WASHC5: variants seen among roughly 807,000 people sequenced by gnomAD.
WASHC5 encodes WASH complex subunit strumpellin.
A neutral mutation model predicts 150.4 loss-of-function variants in WASHC5; 101 were observed. That is an observed-to-expected ratio of 0.67 (90% CI 0.57 to 0.79). The LOEUF is 0.79. Among genes scored for constraint, WASHC5 ranks in the 30% least tolerant of loss-of-function variants. WASHC5 has a pLI of 0.00. For synonymous variants in WASHC5, 467 were observed against 491.2 expected, an observed-to-expected ratio of 0.95 and a Z score of 0.65; for missense variants, 1,195 against 1,396.3, an observed-to-expected ratio of 0.86 and a Z score of 2.30.
chr8:125,056,585 G>T, intron 16 of WASHC5, 92 bp downstream of exon 16: 1 of 1,447,846 alleles, frequency 6.9e-7, no homozygotes, highest in Non-Finnish European at 9.7e-7. Context: ...TGGTCTGGTG[G>T]TCCCCAGAAT....
intron 27 of WASHC5, 138 bp downstream of exon 27, chr8:125,032,103 G>T: frequency 2.1e-6 from 2 of 969,704 alleles, no homozygotes; most frequent in Non-Finnish European, 3.3e-6. Flanking sequence ...AAGGAGGTAT[G>T]CCCTGACTTG....
intron 12 of WASHC5, among the ~76,000 whole-genome samples, chr8:125,060,194 A>ATTAT (rs927071038): frequency 6.6e-6 from 1 of 152,210 alleles, no homozygotes; most frequent in Non-Finnish European, 1.5e-5. Context: ...GATGTTTTAA[A>ATTAT]TAATAGAGTT....
intron 1 of WASHC5, among the ~76,000 whole-genome samples, chr8:125,088,327 A>G (rs1306252733): frequency 1.3e-5 from 2 of 150,334 alleles, no homozygotes; most frequent in East Asian, 4.0e-4. Flanking sequence ...CGGGAGGCTG[A>G]GGCAGGAGAA....
At position 125,044,375 on chromosome 8, in the gene WASHC5, G is replaced by A. The variant is rs549975310; in HGVS notation, c.2667+161C>T. 148 of 806,632 alleles carry A rather than the reference G, an allele frequency of 1.8e-4. No homozygotes were observed. In the African/African-American group the frequency reaches 2.2e-3, roughly 12 times the overall value. The allele number at this position is 806,632 out of a possible 1,614,324, so 50.0% of individuals were successfully genotyped here. A position where few individuals can be genotyped will look rare whatever the true frequency, so the allele number is the denominator to read the frequency against. On this transcript the variant is annotated intron_variant, in intron 21 of 28. Transcript: ENST00000318410. ...TACTATGCTGGCCAAACAAATTCTA[G>A]TTTATTCCCAGCTCTGATCTACCCA...
intron 21 of WASHC5, 128 bp from the exon 22 acceptor site, chr8:125,044,222 A>G (rs1265484329): frequency 1.1e-5 from 8 of 742,924 alleles, no homozygotes; most frequent in Non-Finnish European, 1.9e-5. Context: ...AAACAGGATG[A>G]CAGCAAAAAG....
intron 1 of WASHC5, among the ~76,000 whole-genome samples, chr8:125,086,563 A>G (rs1243357451): frequency 1.3e-5 from 2 of 152,228 alleles, no homozygotes; most frequent in Non-Finnish European, 2.9e-5. Flanking sequence ...CTGTCTCCAA[A>G]TATAGTCACA....
In WASHC5 at chr8:125,049,195, A is replaced by C. The variant is rs1486657033; in HGVS notation, c.2200-10T>G. ...GCATCAATTCACTTGGCTGTGGAAA[A>C]GGGGAAACATAAAGCTCTTACACTG... On this transcript the variant is annotated splice_polypyrimidine_tract_variant and intron_variant, in intron 18 of 28. Transcript: ENST00000318410. 1 of 1,613,900 alleles carries C rather than the reference A, an allele frequency of 6.2e-7. No individual in the cohort carries two copies. Among genetic ancestry groups the C allele is most frequent in the Middle Eastern group, 1.6e-4 (1 of 6,062 alleles).
At chr8:125,028,480 T>C (rs1276072508) in intron 28 of WASHC5, 140 bp downstream of exon 28, 2 of 654,538 alleles carry the variant, frequency 3.1e-6, no homozygotes, top group Non-Finnish European at 5.6e-6. Flanking sequence ...ATTTCAGAGC[T>C]GGGGGTAGAG....
chr8:125,031,654 T>G (rs1478739535), intron 27 of WASHC5, among the ~76,000 whole-genome samples: 1 of 152,126 alleles, frequency 6.6e-6, no homozygotes, highest in African/African-American at 2.4e-5. Context: ...CCCTTTAGGA[T>G]AGCAGAGAAG....
rs143702372 is a variant in WASHC5, at chr8:125,051,639, G to C, written c.2098-974C>G. Among the ~76,000 whole-genome samples, 364 of 152,368 alleles carry C rather than the reference G, an allele frequency of 2.4e-3. 1 individual carries two copies. The highest frequency in any genetic ancestry group is 7.5e-3 in the African/African-American group (310 of 41,588). ...GTGGTGACTCACGCCTGTAATCCCA[G>C]CTCTTTGGAAAGCTGAGGCAGGCGG... On this transcript the variant is annotated intron_variant, in intron 17 of 28. Coordinates refer to ENST00000318410, the MANE Select transcript of WASHC5 (RefSeq NM_014846.4).
intron 19 of WASHC5, among the ~76,000 whole-genome samples, chr8:125,048,659 T>G (rs541357917): frequency 6.6e-6 from 1 of 152,226 alleles, no homozygotes; most frequent in Non-Finnish European, 1.5e-5. Flanking sequence ...AGCATAGAAC[T>G]ACCCATTATA....
intron 27 of WASHC5, among the ~76,000 whole-genome samples, chr8:125,029,365 T>C (rs1815463052): frequency 6.6e-6 from 1 of 152,154 alleles, no homozygotes; most frequent in Admixed American, 6.5e-5. Context: ...CTTCTAGACA[T>C]TGTTCGAGTC....
chr8:125,085,966 G>A (rs1052953886), intron 1 of WASHC5, among the ~76,000 whole-genome samples: 1 of 151,946 alleles, frequency 6.6e-6, no homozygotes, highest in African/African-American at 2.4e-5. Flanking sequence ...TAGTTCTAGG[G>A]GCTTGGAAAG....
At chr8:125,062,462 C>T (rs16900310) in intron 11 of WASHC5, among the ~76,000 whole-genome samples, 4,003 of 152,156 alleles carry the variant, frequency 0.026, 182 homozygotes, top group African/African-American at 0.092. Context: ...GGCAGCTAAC[C>T]GGGTCAGATT....
At chr8:125,061,236 C>T (rs756238720) in intron 11 of WASHC5, 42 bp from the exon 12 acceptor site, 1 of 1,065,526 alleles carries the variant, frequency 9.4e-7, no homozygotes, top group South Asian at 1.3e-5. Flanking sequence ...TCCTCGAATT[C>T]CTGTAGCTGT....
In WASHC5 at chr8:125,061,198, G is replaced by A. The variant is rs993863603; in HGVS notation, c.1409-4C>T. ...CTGAACCAAGCTTGAAGGTTTTCTA[G>A]TAATACAGAAATAAGAAAATACTGA... On this transcript the variant is annotated splice_region_variant and splice_polypyrimidine_tract_variant and intron_variant, in intron 11 of 28. Transcript: ENST00000318410. 1 of 1,457,614 alleles carries A rather than the reference G, an allele frequency of 6.9e-7. No homozygotes were observed. Among genetic ancestry groups the A allele is most frequent in the Non-Finnish European group, 9.6e-7 (1 of 1,038,108 alleles). The allele number at this position is 1,457,614 out of a possible 1,614,324, so 90.3% of individuals were successfully genotyped here. A position where few individuals can be genotyped will look rare whatever the true frequency, so the allele number is the denominator to read the frequency against.
At chr8:125,059,618 C>G (rs1043010696) in intron 12 of WASHC5, 76 bp from the exon 13 acceptor site, 2 of 1,062,612 alleles carry the variant, frequency 1.9e-6, no homozygotes, top group African/African-American at 3.1e-5. Flanking sequence ...GAAAACACTT[C>G]AAATAAAGCA....
chr8:125,044,351 A>T, intron 21 of WASHC5, 185 bp downstream of exon 21: 3 of 714,820 alleles, frequency 4.2e-6, no homozygotes, highest in Non-Finnish European at 7.2e-6. Flanking sequence ...TCCTAAAAGT[A>T]CTATGCTGGC....
At chr8:125,078,491 T>C (rs1015045654) in intron 6 of WASHC5, among the ~76,000 whole-genome samples, 3 of 152,232 alleles carry the variant, frequency 2.0e-5, no homozygotes, top group Non-Finnish European at 4.4e-5. Flanking sequence ...ATTTCTTGAA[T>C]GAATGACTAA....
Sources: gnomAD v4.1 joint callset for allele counts (sites outside exome capture counted in the v4.1 genomes callset) on GRCh38, gnomAD v4.1.1 for gene constraint, MANE v1.5 for transcripts, NCBI Gene and HGNC (gene_info 2026-07-23, HGNC 2026-07-21) for gene names.